ATRN: variants seen among roughly 807,000 people sequenced by gnomAD.
ATRN encodes attractin.
Under a neutral mutation model 178.7 loss-of-function variants are expected in ATRN, and 54 were observed. The ratio of observed to expected loss-of-function variants is 0.30; its 90% CI spans 0.24 to 0.38. The LOEUF is 0.38. ATRN is among the 10% of genes least tolerant of loss of function. ATRN has a pLI of 1.00. For synonymous variants in ATRN, 636 were observed against 663.0 expected (o/e 0.96, Z 0.63); for missense variants, 1,443 against 1,815.1 (o/e 0.79, Z 3.73).
At chr20:3,584,115 G>A (rs1357003620) in intron 17 of ATRN, 32 bp downstream of exon 17, 1 of 1,605,044 alleles carries the variant, frequency 6.2e-7, no homozygotes, top group Non-Finnish European at 8.5e-7. Context: ...AGGCACTTAT[G>A]CATGCCCTCT....
At chr20:3,576,760 T>G in intron 13 of ATRN, 99 bp from the exon 14 acceptor site, 1 of 1,240,622 alleles carries the variant, frequency 8.1e-7, no homozygotes. Flanking sequence ...TGCAGTTTGC[T>G]TCCTCAATTA....
intron 1 of ATRN, among the ~76,000 whole-genome samples, chr20:3,514,767 G>C (rs139350257): frequency 6.6e-6 from 1 of 151,958 alleles, no homozygotes; most frequent in Non-Finnish European, 1.5e-5. Context: ...TGAGACCACC[G>C]TGGGCAACAT....
intron 1 of ATRN, among the ~76,000 whole-genome samples, chr20:3,498,031 C>A (rs2084905469): frequency 6.6e-6 from 1 of 152,070 alleles, no homozygotes; most frequent in Non-Finnish European, 1.5e-5. Context: ...ATACAAACTA[C>A]CATCAGAGAA....
Position 3,645,755 on chromosome 20 carries a change from C to G in ATRN, c.4166-968C>G, listed in dbSNP as rs1390886477. Among the ~76,000 whole-genome samples the G allele has an allele frequency of 6.6e-6, 1 of 152,018 alleles. No homozygotes were observed. Among genetic ancestry groups the G allele is most frequent in the African/African-American group, 2.4e-5 (1 of 41,370 alleles). ...GCCAGGCACTTACAGCTGTCTACCC[C>G]CACCCCCACTCCCCTTCACAGGCTC... On this transcript the variant is annotated intron_variant, in intron 28 of 28. Transcript: ENST00000262919. This position sits in a 1 kb window ranked among gnomAD's most constrained non-coding sequence, Gnocchi z 4.7.
chr20:3,599,847 G>C (rs1380907244), intron 22 of ATRN, among the ~76,000 whole-genome samples: 1 of 152,138 alleles, frequency 6.6e-6, no homozygotes, highest in African/African-American at 2.4e-5. Context: ...TCAAGATGAA[G>C]GTGAGGTCTT....
chr20:3,554,478 G>A (rs973624062), intron 6 of ATRN, among the ~76,000 whole-genome samples: 2 of 151,936 alleles, frequency 1.3e-5, no homozygotes, highest in Non-Finnish European at 2.9e-5. Context: ...TGGGACTACA[G>A]GGGCCTGCCA....
intron 12 of ATRN, 101 bp downstream of exon 12, chr20:3,573,052 T>A: frequency 9.8e-7 from 1 of 1,023,084 alleles, no homozygotes; most frequent in Non-Finnish European, 1.4e-6. Flanking sequence ...ATGTTTACCT[T>A]ATCCAAAATT....
At chr20:3,490,657 C>T in intron 1 of ATRN, 1 of 855,740 alleles carries the variant, frequency 1.2e-6, no homozygotes, top group Non-Finnish European at 2.0e-6. Context: ...TGCCTCTTCA[C>T]TTGGATTCTC....
At chr20:3,550,954 C>A (rs573334785) in intron 6 of ATRN, among the ~76,000 whole-genome samples, 12 of 152,176 alleles carry the variant, frequency 7.9e-5, no homozygotes, top group Non-Finnish European at 1.8e-4. Context: ...AACTGCAGCC[C>A]CTCCATAATC....
chr20:3,578,664 T>G lies in ATRN; in HGVS notation c.2436T>G (p.Ala812=). ...CTGCCAAGGAGAATTATGACAATGC[T>G]AAATTGTTCTGTAGGAACCACAATG... The part of the protein sequence containing the change: ...ITTAKENYDN[A]KLFCRNHNAL... The change falls in exon 15 of 29, where the codon GCT becomes GCG. Residue 812 remains alanine, a synonymous_variant. Coordinates refer to ENST00000262919, the MANE Select transcript of ATRN (RefSeq NM_139321.3). The G allele has an allele frequency of 1.2e-6, 2 of 1,614,008 alleles. No homozygotes were observed. The highest frequency in any genetic ancestry group is 1.7e-6 in the Non-Finnish European group (2 of 1,179,862).
chr20:3,591,254 G>A lies in ATRN; in HGVS notation c.3270G>A (p.Glu1090=), dbSNP rs767586176. The A allele has an allele frequency of 1.5e-5, 25 of 1,614,096 alleles. No homozygotes were observed. Among genetic ancestry groups the A allele is most frequent in the Non-Finnish European group, 1.9e-5 (22 of 1,180,028 alleles). ...CENLTTGKHC[E]TCISGFYGDP... The stretch of plus-strand genomic sequence containing the variant: ...ACCTGACCACAGGCAAGCACTGCGA[G>A]ACCTGCATATCTGGCTTCTACGGTG... The change falls in exon 19 of 29, where the codon GAG becomes GAA. Residue 1090 remains glutamate (E), a synonymous_variant. Transcript: ENST00000262919.
chr20:3,633,061 G>A (rs570617371), intron 25 of ATRN, among the ~76,000 whole-genome samples: 1 of 152,276 alleles, frequency 6.6e-6, no homozygotes, highest in African/African-American at 2.4e-5. Context: ...CTTGAACCTG[G>A]GAGGCAGAGG....
intron 25 of ATRN, among the ~76,000 whole-genome samples, chr20:3,627,077 G>A (rs534654727): frequency 6.6e-6 from 1 of 152,240 alleles, no homozygotes; most frequent in South Asian, 2.1e-4. Context: ...ATGAACCACT[G>A]CGCTCAGTCA....
intron 18 of ATRN, among the ~76,000 whole-genome samples, chr20:3,588,996 T>G (rs967513915): frequency 1.4e-5 from 2 of 145,194 alleles, no homozygotes; most frequent in Non-Finnish European, 3.0e-5. Context: ...TTTTTTTTTT[T>G]TTTTGAGACA....
In ATRN at chr20:3,578,905, G is replaced by T. The variant is rs1015935012; in HGVS notation, c.2544+133G>T. ...AAGAAGGGGAGTGCTGGTGAACGCA[G>T]CCTGAGGGACTGTGGGTTTGTGCTG... On this transcript the variant is annotated intron_variant, in intron 15 of 28. Coordinates refer to ENST00000262919, the MANE Select transcript of ATRN (RefSeq NM_139321.3). The T allele has an allele frequency of 1.2e-5, 9 of 756,628 alleles. No homozygotes were observed. In the Admixed American group the frequency reaches 2.5e-4, roughly 21 times the overall value. The allele number at this position is 756,628 out of a possible 1,614,324, so 46.9% of individuals were successfully genotyped here.
intron 1 of ATRN, among the ~76,000 whole-genome samples, chr20:3,492,861 GCGCGCGTGCGCACGCA>G (rs1000205229): frequency 2.4e-5 from 3 of 123,116 alleles, no homozygotes; most frequent in African/African-American, 7.4e-5. Context: ...AGAGGCGCGC[GCGCGCGTGCGCACGCA>G]CACACACACA....
intron 22 of ATRN, among the ~76,000 whole-genome samples, chr20:3,598,365 T>A (rs548145543): frequency 6.6e-6 from 1 of 152,188 alleles, no homozygotes; most frequent in South Asian, 2.1e-4. Flanking sequence ...CACTGCTGAT[T>A]GAAATGCCAG....
chr20:3,521,280 C>T (rs955244247), intron 1 of ATRN, among the ~76,000 whole-genome samples: 5 of 151,670 alleles, frequency 3.3e-5, no homozygotes, highest in Admixed American at 6.6e-5. Context: ...CTCGGCAACA[C>T]GCAATTTACG....
At chr20:3,630,915 G>GTTTTT (rs1568774646) in intron 25 of ATRN, among the ~76,000 whole-genome samples, 4 of 62,456 alleles carry the variant, frequency 6.4e-5, no homozygotes, top group Non-Finnish European at 1.6e-4. Context: ...AATTTATTTA[G>GTTTTT]CTTTTTTTTT....
Sources: gnomAD v4.1 joint callset for allele counts (sites outside exome capture counted in the v4.1 genomes callset) on GRCh38, gnomAD v4.1.1 for gene constraint, Gnocchi (gnomAD v3.1) non-coding constraint, MANE v1.5 for transcripts, NCBI Gene and HGNC (gene_info 2026-07-23, HGNC 2026-07-21) for gene names.